Variants in ZBTB7C observed in about 807,000 individuals in gnomAD.
The protein encoded by ZBTB7C is zinc finger and BTB domain-containing protein 7C.
In ZBTB7C, 8 loss-of-function variants were observed where a neutral mutation model predicts 25.7. The ratio of observed to expected loss-of-function variants is 0.31; its 90% CI spans 0.18 to 0.56. The LOEUF (loss-of-function observed/expected upper bound fraction) is 0.56, where lower values mean the gene tolerates loss of function less well. Among genes scored for constraint, ZBTB7C ranks in the 20% least tolerant of loss-of-function variants. The probability of loss-of-function intolerance (pLI) is 0.91; values close to 1 mark genes in which losing one functional copy is unlikely to be tolerated. For missense variants in ZBTB7C, 824 were observed against 855.2 expected, an observed-to-expected ratio of 0.96 and a Z score of 0.46; for synonymous variants, 394 against 369.0, an observed-to-expected ratio of 1.07 and a Z score of -0.78.
Position 48,248,628 on chromosome 18 carries a change from G to A in ZBTB7C, c.-78-62633C>T, listed in dbSNP as rs147462721. On this transcript the variant is annotated intron_variant, in intron 2 of 4. Transcript: ENST00000590800. Reference sequence around the variant, plus strand: ...GTTTTTGCTTATTGTCTCTCTTCTCGCTAAAATGTAATCTCCAAGAAGATG... The same window carrying A: ...GTTTTTGCTTATTGTCTCTCTTCTCACTAAAATGTAATCTCCAAGAAGATG... 3.7e-3 allele frequency among the ~76,000 whole-genome samples: 558 copies of A among 151,902 alleles called. 5 individuals are homozygous for A. Among genetic ancestry groups the A allele is most frequent in the South Asian group, 0.031 (148 of 4,808 alleles).
intron 2 of ZBTB7C, among the ~76,000 whole-genome samples, chr18:48,230,039 G>A (rs1014708057): frequency 1.3e-5 from 2 of 152,182 alleles, no homozygotes; most frequent in African/African-American, 4.8e-5. Flanking sequence ...TTCTGCAAAG[G>A]GGATTAGTTT....
intron 2 of ZBTB7C, among the ~76,000 whole-genome samples, chr18:48,187,024 G>C (rs1013064846): frequency 6.6e-6 from 1 of 152,208 alleles, no homozygotes; most frequent in Non-Finnish European, 1.5e-5. Flanking sequence ...ATGGGGAAAA[G>C]GGGTGGGTGC....
At chr18:48,153,183 AGGC>A (rs1173598632) in intron 3 of ZBTB7C, among the ~76,000 whole-genome samples, 1 of 152,256 alleles carries the variant, frequency 6.6e-6, no homozygotes, top group Non-Finnish European at 1.5e-5. Context: ...GAAATTATCC[AGGC>A]TAATTGTTCA....
chr18:48,199,251 A>G (rs373378359), intron 2 of ZBTB7C, among the ~76,000 whole-genome samples: 31 of 152,320 alleles, frequency 2.0e-4, no homozygotes, highest in Middle Eastern at 3.4e-3. Context: ...AAGCTCTTGT[A>G]TAACTTCTCT....
intron 4 of ZBTB7C, among the ~76,000 whole-genome samples, chr18:48,035,458 GCTA>G (rs1157153571): frequency 1.3e-5 from 2 of 152,246 alleles, no homozygotes. Flanking sequence ...CTCTCTAGGA[GCTA>G]CTAACAGAAG....
At chr18:48,347,481 G>A (rs1050041764) in intron 1 of ZBTB7C, among the ~76,000 whole-genome samples, 10 of 152,094 alleles carry the variant, frequency 6.6e-5, no homozygotes, top group East Asian at 3.9e-4. Context: ...TTCCTCAGAC[G>A]CAGAACTGAC....
At chr18:48,113,253 T>G (rs993137688) in intron 3 of ZBTB7C, among the ~76,000 whole-genome samples, 2 of 152,234 alleles carry the variant, frequency 1.3e-5, no homozygotes, top group African/African-American at 2.4e-5. Flanking sequence ...GCCTCAGTTA[T>G]CTCATCTGCT....
intron 3 of ZBTB7C, chr18:48,137,019 G>C (rs2040192326): frequency 1.0e-5 from 10 of 985,236 alleles, no homozygotes; most frequent in African/African-American, 5.2e-5. Flanking sequence ...GGCCGCCCCG[G>C]GGACGCCGCG....
At chr18:48,086,826 A>G (rs2038208362) in intron 3 of ZBTB7C, among the ~76,000 whole-genome samples, 2 of 152,328 alleles carry the variant, frequency 1.3e-5, no homozygotes, top group East Asian at 1.9e-4. Context: ...TATGTTTACC[A>G]TCTTATTTAA....
At chr18:48,243,106 T>C (rs2043574835) in intron 2 of ZBTB7C, among the ~76,000 whole-genome samples, 1 of 151,610 alleles carries the variant, frequency 6.6e-6, no homozygotes, top group Non-Finnish European at 1.5e-5. Context: ...CCACTAAAAA[T>C]GTAAAAAATT....
At chr18:48,208,375 C>T (rs1029379048) in intron 2 of ZBTB7C, among the ~76,000 whole-genome samples, 2 of 152,024 alleles carry the variant, frequency 1.3e-5, no homozygotes, top group Non-Finnish European at 2.9e-5. Context: ...CCCCTGTCCC[C>T]ACCCCTGATT....
chr18:48,093,609 A>T (rs1003273510), intron 3 of ZBTB7C, among the ~76,000 whole-genome samples: 6 of 142,414 alleles, frequency 4.2e-5, no homozygotes, highest in East Asian at 2.0e-4. Context: ...AGCAGTGATT[A>T]AAAAAAAACA....
At chr18:48,307,401 A>G (rs11874180) in intron 2 of ZBTB7C, among the ~76,000 whole-genome samples, 1 of 152,266 alleles carries the variant, frequency 6.6e-6, no homozygotes, top group Non-Finnish European at 1.5e-5. Flanking sequence ...TTCCTAGCTG[A>G]AAAGGATTTG....
At chr18:48,209,104 A>AGACAGAAAAGAG (rs1230422028) in intron 2 of ZBTB7C, among the ~76,000 whole-genome samples, 2 of 152,246 alleles carry the variant, frequency 1.3e-5, no homozygotes, top group Non-Finnish European at 2.9e-5. Flanking sequence ...TTACAGAGTG[A>AGACAGAAAAGAG]GACAGAAAAG....
At chr18:48,400,188 C>T (rs184209794) in intron 1 of ZBTB7C, among the ~76,000 whole-genome samples, 1 of 152,340 alleles carries the variant, frequency 6.6e-6, no homozygotes, top group African/African-American at 2.4e-5. Context: ...CAGAGACCTA[C>T]TGTATAAATG....
In ZBTB7C at chr18:48,148,046, G is replaced by A. The variant is rs550431159; in HGVS notation, c.-17+37888C>T. ...GAGTTTTGTTCTGTCGCCTGGGCTGGAGTGCAATGGCACGATCTCAGCACA... is the reference window on the plus strand; with the variant it reads ...GAGTTTTGTTCTGTCGCCTGGGCTGAAGTGCAATGGCACGATCTCAGCACA... On this transcript the variant is annotated intron_variant, in intron 3 of 4. Transcript: ENST00000590800. The A allele has an allele frequency of 5.9e-5, 9 of 152,128 alleles. 2 individuals are homozygous for A. The highest frequency in any genetic ancestry group is 1.9e-4 in the East Asian group (1 of 5,180). 9.4% of individuals were successfully genotyped at this position (152,128 alleles called of 1,614,324 possible).
intron 1 of ZBTB7C, among the ~76,000 whole-genome samples, chr18:48,353,862 C>T (rs2046917881): frequency 2.0e-5 from 3 of 152,124 alleles, no homozygotes; most frequent in African/African-American, 7.2e-5. Flanking sequence ...GTGGTAGCAC[C>T]AAGACTGAGG....
chr18:48,058,412 C>G (rs1242385864), intron 3 of ZBTB7C, among the ~76,000 whole-genome samples: 1 of 152,190 alleles, frequency 6.6e-6, no homozygotes, highest in East Asian at 1.9e-4. Flanking sequence ...TTTCCCAGTT[C>G]TCTCTGACCT....
chr18:48,088,910 C>A (rs561540183), intron 3 of ZBTB7C, among the ~76,000 whole-genome samples: 1 of 152,094 alleles, frequency 6.6e-6, no homozygotes, highest in African/African-American at 2.4e-5. Context: ...TAGGGAGCTT[C>A]CTCAATGCGA....
Sources: allele counts gnomAD v4.1 joint callset (sites outside exome capture counted in the v4.1 genomes callset), GRCh38; gene constraint gnomAD v4.1.1; transcripts MANE v1.5; gene names NCBI Gene and HGNC (gene_info 2026-07-23, HGNC 2026-07-21).